The following GPR161 variants were observed in gnomAD, a reference collection of about 807,000 sequenced individuals.
GPR161 encodes G protein-coupled receptor 161, also known as G-protein coupled receptor RE2.
Under a neutral mutation model 39.2 loss-of-function variants are expected in GPR161, and 25 were observed. The observed-to-expected ratio is 0.64, with a 90% CI of 0.47 to 0.89. The LOEUF is 0.89. GPR161 is among the 40% of genes least tolerant of loss of function. The pLI is 0.00. For synonymous variants in GPR161, 286 were observed against 276.6 expected, an observed-to-expected ratio of 1.03 and a Z score of -0.34; for missense variants, 547 against 677.8, an observed-to-expected ratio of 0.81 and a Z score of 2.14.
chr1:168,136,743 G>C lies in GPR161; in HGVS notation c.-49C>G, dbSNP rs1699411000. The C allele has an allele frequency of 3.0e-6, 3 of 1,000,960 alleles. No homozygotes were observed. The highest frequency in any genetic ancestry group is 3.6e-6 in the Non-Finnish European group (3 of 841,090). The allele number at this position is 1,000,960 out of a possible 1,614,324, so 62.0% of individuals were successfully genotyped here. ...CGCCCCACGCCGGGTGCTCACCGAG[G>C]AGCGGCCGCCGCGGCAGCTCAGGCC... On this transcript the variant is annotated 5_prime_UTR_variant, in exon 1 of 6. Coordinates refer to ENST00000682931, the MANE Select transcript of GPR161 (RefSeq NM_001375883.1).
At chr1:168,103,543 G>T (rs1377748339) in intron 2 of GPR161, among the ~76,000 whole-genome samples, 11 of 152,118 alleles carry the variant, frequency 7.2e-5, no homozygotes, top group Non-Finnish European at 1.2e-4. Context: ...TCTAGGTGCA[G>T]TCTGTGCTCC....
At chr1:168,136,332 C>G in intron 1 of GPR161, 1 of 1,481,238 alleles carries the variant, frequency 6.8e-7, no homozygotes, top group African/African-American at 1.4e-5. Context: ...GACGTGGAGT[C>G]TCTTGGCCCC....
chr1:168,096,054 A>G (rs1325904130), intron 3 of GPR161, among the ~76,000 whole-genome samples: 1 of 146,798 alleles, frequency 6.8e-6, no homozygotes, highest in African/African-American at 2.5e-5. Context: ...GGATCACTTG[A>G]ATCAGGGAGG....
chr1:168,123,917 C>G (rs1480502060), intron 1 of GPR161, among the ~76,000 whole-genome samples: 1 of 152,230 alleles, frequency 6.6e-6, no homozygotes, highest in East Asian at 1.9e-4. Context: ...CCAGCCCCAG[C>G]TAGTCAACCC....
At chr1:168,124,665 A>T (rs189828630) in intron 1 of GPR161, among the ~76,000 whole-genome samples, 9 of 152,338 alleles carry the variant, frequency 5.9e-5, no homozygotes, top group African/African-American at 2.2e-4. Flanking sequence ...AGACTGGTAA[A>T]GGTCATTTAT....
chr1:168,121,270 C>T (rs1205716709), intron 1 of GPR161, among the ~76,000 whole-genome samples: 2 of 152,200 alleles, frequency 1.3e-5, no homozygotes, highest in Non-Finnish European at 2.9e-5. Flanking sequence ...GCACCCACCC[C>T]AGCAAGTGGA....
rs755163733 is a variant in GPR161 at position 168,096,812 on chromosome 1, C to T, written c.795G>A (p.Gln265=). ...CCAGGATGGTGATGAGGGCTTTGCA[C>T]TGGTTGGCCGAGTAGACCACACCCT... ...AFQGVVYSAN[Q]CKALITILVV... The change falls in exon 3 of 6, where the codon CAG becomes CAA. Residue 265 remains glutamine (Q), a synonymous_variant. Coordinates refer to ENST00000682931, the MANE Select transcript of GPR161 (RefSeq NM_001375883.1). The T allele has an allele frequency of 4.3e-6, 7 of 1,614,160 alleles. No homozygotes were observed. Among genetic ancestry groups the T allele is most frequent in the Non-Finnish European group, 5.9e-6 (7 of 1,180,032 alleles).
At position 168,080,065 on chromosome 1, in the gene GPR161, C is replaced by A. The variant is rs903783004; in HGVS notation, c.*5466G>T. The A allele has an allele frequency of 2.0e-5, 3 of 152,114 alleles. No homozygotes were observed. Among genetic ancestry groups the A allele is most frequent in the African/African-American group, 7.2e-5 (3 of 41,426 alleles). 9.4% of individuals were successfully genotyped at this position (152,114 alleles called of 1,614,324 possible). A position where few individuals can be genotyped will look rare whatever the true frequency, so the allele number is the denominator to read the frequency against. ...AATCTTGTGCAGATTTGAGTTTGTG[C>A]TTTGATGTTTTCAAAGGAATCTTCA... On this transcript the variant is annotated 3_prime_UTR_variant, in exon 6 of 6. Coordinates refer to ENST00000682931, the MANE Select transcript of GPR161 (RefSeq NM_001375883.1).
chr1:168,115,325 A>G (rs1278879757), intron 1 of GPR161, among the ~76,000 whole-genome samples: 3 of 152,254 alleles, frequency 2.0e-5, no homozygotes, highest in South Asian at 4.1e-4. Context: ...CATGATCTAT[A>G]TAACACATGT....
rs902975239 is a variant in GPR161, at chr1:168,096,822, G to A, written c.785C>T (p.Ser262Leu). The change falls in exon 3 of 6, where the codon TCG (serine) becomes TTG (leucine). Residue 262 changes from serine to leucine, a missense_variant. Physicochemically the swap from Ser to Leu is moderately radical, Grantham distance 145. Coordinates refer to ENST00000682931, the MANE Select transcript of GPR161 (RefSeq NM_001375883.1). ...RRNAFQGVVY[S>L]ANQCKALITI... Reference sequence around the variant, plus strand: ...GATGAGGGCTTTGCACTGGTTGGCCGAGTAGACCACACCCTGAAAGGCATT... The same window carrying A: ...GATGAGGGCTTTGCACTGGTTGGCCAAGTAGACCACACCCTGAAAGGCATT... 8 of 1,614,010 alleles carry A rather than the reference G, an allele frequency of 5.0e-6. No individual in the cohort carries two copies. The highest frequency in any genetic ancestry group is 4.4e-5 in the South Asian group (4 of 91,086).
At chr1:168,108,507 A>AAAAAAAAAAAAAAAAAAAC (rs1696840814) in intron 1 of GPR161, among the ~76,000 whole-genome samples, 2 of 147,898 alleles carry the variant, frequency 1.4e-5, no homozygotes. Flanking sequence ...AAAAAAAAAA[A>AAAAAAAAAAAAAAAAAAAC]AAAAACTGGA....
intron 4 of GPR161, 145 bp downstream of exon 4, chr1:168,090,419 C>T (rs1020129726): frequency 3.7e-6 from 2 of 535,202 alleles, no homozygotes; most frequent in Non-Finnish European, 3.4e-6. Context: ...GACTGGAAAC[C>T]CAGACTTATG....
At chr1:168,136,353 GC>G (rs1485307321) in intron 1 of GPR161, 83 of 1,472,642 alleles carry the variant, frequency 5.6e-5, no homozygotes, top group Non-Finnish European at 7.3e-5. Flanking sequence ...AGGGGGCGCG[GC>G]CCGCATCGGC....
rs1429315304 is a variant in GPR161, at chr1:168,136,921, C to G, written c.-227G>C. The G allele has an allele frequency of 1.0e-6, 1 of 979,838 alleles. No homozygotes were observed. Among genetic ancestry groups the G allele is most frequent in the Non-Finnish European group, 1.2e-6 (1 of 827,598 alleles). The allele number at this position is 979,838 out of a possible 1,614,324, so 60.7% of individuals were successfully genotyped here. On this transcript the variant is annotated 5_prime_UTR_variant, in exon 1 of 6. Transcript: ENST00000682931. Reference sequence around the variant, plus strand: ...ACCAGCACGCGGACCCGGGCGGGCGCAGGCCAAGTAACTTTGCGGCGCCCG... The same window carrying G: ...ACCAGCACGCGGACCCGGGCGGGCGGAGGCCAAGTAACTTTGCGGCGCCCG...
chr1:168,134,956 C>T (rs1378982687), intron 1 of GPR161: 1 of 1,535,692 alleles, frequency 6.5e-7, no homozygotes, highest in Non-Finnish European at 8.7e-7. Flanking sequence ...TTCTGTCTTC[C>T]TCGGAACCCA....
Position 168,082,023 on chromosome 1 carries a change from C to G in GPR161, c.*3508G>C, listed in dbSNP as rs1270492692. The stretch of plus-strand genomic sequence containing the variant: ...AAATATTCAGGGAAATCTGAAGAGA[C>G]TAACCATCTGTCATTGTATCAAAGC... On this transcript the variant is annotated 3_prime_UTR_variant, in exon 6 of 6. Transcript: ENST00000682931. 4 of 152,266 alleles carry G rather than the reference C, an allele frequency of 2.6e-5. No individual in the cohort carries two copies. Among genetic ancestry groups the G allele is most frequent in the African/African-American group, 9.6e-5 (4 of 41,464 alleles). 9.4% of individuals were successfully genotyped at this position (152,266 alleles called of 1,614,324 possible). A position where few individuals can be genotyped will look rare whatever the true frequency, so the allele number is the denominator to read the frequency against.
intron 1 of GPR161, 101 bp downstream of exon 1, chr1:168,136,638 G>A (rs1452338149): frequency 5.8e-6 from 7 of 1,215,492 alleles, no homozygotes; most frequent in Non-Finnish European, 7.2e-6. Context: ...TTCCCGGCCC[G>A]CGCCCTGAGC....
rs1699268117 is a variant in GPR161, at chr1:168,135,125, T to C, written c.-45+1614A>G. The C allele has an allele frequency of 6.4e-6, 9 of 1,406,256 alleles. No homozygotes were observed. In the South Asian group the frequency reaches 8.8e-5, roughly 14 times the overall value. The allele number at this position is 1,406,256 out of a possible 1,614,324, so 87.1% of individuals were successfully genotyped here. On this transcript the variant is annotated intron_variant, in intron 1 of 5. Transcript: ENST00000682931. ...CGGGCCTCTTAATGAGGGGTCTCTA[T>C]TCTTGATGTTATGGCAGTGGAGCTA...
intron 1 of GPR161, 124 bp downstream of exon 1, chr1:168,136,615 G>C (rs1699397528): frequency 1.1e-5 from 13 of 1,230,264 alleles, no homozygotes; most frequent in Non-Finnish European, 1.3e-5. Flanking sequence ...GAGCGCCGTG[G>C]GGGCGGGGAC....
Sources: allele counts gnomAD v4.1 joint callset (sites outside exome capture counted in the v4.1 genomes callset), GRCh38; gene constraint gnomAD v4.1.1; transcripts MANE v1.5; gene names NCBI Gene and HGNC (gene_info 2026-07-23, HGNC 2026-07-21).